Variants in LYPD5 observed in about 807,000 individuals in gnomAD.
LYPD5 encodes ly6/PLAUR domain-containing protein 5.
A neutral mutation model predicts 19.1 loss-of-function variants in LYPD5; 21 were observed. The observed-to-expected ratio is 1.10, with a 90% CI of 0.78 to 1.58. LYPD5 has a LOEUF of 1.58. Ranked by LOEUF, LYPD5 falls within the 40% of genes most tolerant of loss-of-function variation. LYPD5 has a pLI of 0.00. For synonymous variants in LYPD5, 128 were observed against 142.7 expected (o/e 0.90, Z 0.74); for missense variants, 287 against 329.8 (o/e 0.87, Z 1.00).
intron 1 of LYPD5, among the ~76,000 whole-genome samples, chr19:43,814,805 G>A (rs1258108797): frequency 6.6e-6 from 1 of 152,188 alleles, no homozygotes; most frequent in African/African-American, 2.4e-5. Flanking sequence ...GTGCCATCTA[G>A]ATCTCTTACA....
intron 1 of LYPD5, among the ~76,000 whole-genome samples, chr19:43,808,295 G>A (rs1027237086): frequency 2.6e-5 from 4 of 151,982 alleles, no homozygotes; most frequent in Non-Finnish European, 5.9e-5. Context: ...TAGTAGAGAC[G>A]GGGTTTCACC....
At chr19:43,799,879 T>C (rs1970200150) in intron 1 of LYPD5, 45 bp from the exon 2 acceptor site, 1 of 1,561,820 alleles carries the variant, frequency 6.4e-7, no homozygotes, top group African/African-American at 1.3e-5. Flanking sequence ...AGTGTGAGCC[T>C]GTCCCAGGAA....
rs557002427 is a variant in LYPD5 at position 43,796,074 on chromosome 19, C to A, written c.*1517G>T. The A allele has an allele frequency of 6.6e-6, 1 of 152,318 alleles. No homozygotes were observed. The highest frequency in any genetic ancestry group is 1.5e-5 in the Non-Finnish European group (1 of 68,046). The allele number at this position is 152,318 out of a possible 1,614,324, so 9.4% of individuals were successfully genotyped here. On this transcript the variant is annotated 3_prime_UTR_variant, in exon 5 of 5. Transcript: ENST00000377950. ...CTGTGTTCTCATGTGGTGGAAGGGG[C>A]AAGGCAGCTCTCCAGGGCCTCTTTT...
Position 43,797,142 on chromosome 19 carries a change from G to C in LYPD5, c.*449C>G, listed in dbSNP as rs554867023. 1.2e-3 allele frequency: 182 copies of C among 155,894 alleles called. No homozygotes were observed. Among genetic ancestry groups the C allele is most frequent in the Middle Eastern group, 6.3e-3 (2 of 318 alleles). 9.7% of individuals were successfully genotyped at this position (155,894 alleles called of 1,614,324 possible). A position where few individuals can be genotyped will look rare whatever the true frequency, so the allele number is the denominator to read the frequency against. On this transcript the variant is annotated 3_prime_UTR_variant, in exon 5 of 5. Coordinates refer to ENST00000377950, the MANE Select transcript of LYPD5 (RefSeq NM_001031749.3). ...AGGCTGAATGGTGGAGCTGGGATTT[G>C]AACCCATGCAGCTTAGCTCCAGAGC...
At chr19:43,807,709 A>G (rs1298037253) in intron 1 of LYPD5, among the ~76,000 whole-genome samples, 1 of 152,210 alleles carries the variant, frequency 6.6e-6, no homozygotes, top group Admixed American at 6.5e-5. Flanking sequence ...TAGCTGCATA[A>G]AGGAGGCAAA....
At chr19:43,810,541 CTCCCCTCCCCTCCCT>C (rs1740546544) in intron 1 of LYPD5, among the ~76,000 whole-genome samples, 1 of 105,600 alleles carries the variant, frequency 9.5e-6, no homozygotes, top group African/African-American at 3.6e-5. Flanking sequence ...GTTCCCTCCC[CTCCCCTCCCCTCCCT>C]TCCCCTCCCC....
intron 4 of LYPD5, 42 bp downstream of exon 4, chr19:43,798,413 C>T: frequency 6.3e-7 from 1 of 1,599,922 alleles, no homozygotes; most frequent in Non-Finnish European, 8.5e-7. Flanking sequence ...GCCCTGCCTC[C>T]ATATCCCTTG....
chr19:43,798,722 G>A (rs1035982907), intron 3 of LYPD5, 90 bp downstream of exon 3: 6 of 1,570,160 alleles, frequency 3.8e-6, no homozygotes, highest in South Asian at 1.2e-5. Context: ...AGCGCGCCAA[G>A]AGCAGGCGCC....
chr19:43,801,608 G>C (rs538941517), intron 1 of LYPD5, among the ~76,000 whole-genome samples: 2 of 152,122 alleles, frequency 1.3e-5, no homozygotes, highest in African/African-American at 2.4e-5. Context: ...AATTACACAC[G>C]CATCTCTTTT....
intron 1 of LYPD5, among the ~76,000 whole-genome samples, chr19:43,815,352 A>G (rs1014306029): frequency 1.3e-5 from 2 of 151,832 alleles, no homozygotes; most frequent in Non-Finnish European, 2.9e-5. Context: ...AAAAAAAAAG[A>G]AAGAAAGAAA....
chr19:43,805,179 CCT>C (rs1568405017), upstream of LYPD5, among the ~76,000 whole-genome samples: 2 of 152,120 alleles, frequency 1.3e-5, no homozygotes, highest in African/African-American at 2.4e-5. Context: ...AAACATCTGG[CCT>C]CTCAAAATTT....
intron 1 of LYPD5, among the ~76,000 whole-genome samples, chr19:43,812,366 TATCTATCTATCA>T (rs1168308099): frequency 4.9e-5 from 7 of 143,762 alleles, no homozygotes; most frequent in African/African-American, 1.8e-4. Context: ...TCTATCTATC[TATCTATCTATCA>T]ATCTATCATC....
In LYPD5 at chr19:43,798,999, G is replaced by A. The variant is rs1390840770; in HGVS notation, c.194-11C>T. On this transcript the variant is annotated splice_polypyrimidine_tract_variant and intron_variant, in intron 2 of 4. Coordinates refer to ENST00000377950, the MANE Select transcript of LYPD5 (RefSeq NM_001031749.3). ...CCGGCGCGCGATACCCTGGGGGCGGGATCGGGGCTCGTGCTCTGCTTCCCG... is the reference window on the plus strand; with the variant it reads ...CCGGCGCGCGATACCCTGGGGGCGGAATCGGGGCTCGTGCTCTGCTTCCCG... The A allele has an allele frequency of 1.3e-6, 2 of 1,556,344 alleles. No individual in the cohort carries two copies. Among genetic ancestry groups the A allele is most frequent in the Non-Finnish European group, 1.7e-6 (2 of 1,150,200 alleles).
intron 1 of LYPD5, among the ~76,000 whole-genome samples, chr19:43,819,654 T>C (rs1970403504): frequency 1.3e-5 from 2 of 152,142 alleles, no homozygotes; most frequent in Non-Finnish European, 2.9e-5. Flanking sequence ...GGGTCAGGGC[T>C]AAACCCCCAA....
chr19:43,799,975 G>GAGAGA, intron 1 of LYPD5, 141 bp from the exon 2 acceptor site: 1 of 955,632 alleles, frequency 1.0e-6, no homozygotes, highest in Non-Finnish European at 1.5e-6. Context: ...ACCAGGTGCT[G>GAGAGA]CTATTGCAGC....
chr19:43,815,325 T>G (rs150176277), intron 1 of LYPD5, among the ~76,000 whole-genome samples: 1,952 of 150,508 alleles, frequency 0.013, 39 homozygotes, highest in African/African-American at 0.045. Context: ...GGCAATATAG[T>G]GAGAACCTAT....
At chr19:43,799,536 C>A (rs569776692) in intron 2 of LYPD5, among the ~76,000 whole-genome samples, 170 bp downstream of exon 2, 25 of 152,264 alleles carry the variant, frequency 1.6e-4, no homozygotes, top group African/African-American at 5.3e-4. Flanking sequence ...AGCCACTGCC[C>A]CAGCCCTCAT....
chr19:43,799,019 T>C (rs1279828230), intron 2 of LYPD5, 31 bp from the exon 3 acceptor site: 1 of 1,532,390 alleles, frequency 6.5e-7, no homozygotes, highest in Admixed American at 2.0e-5. Flanking sequence ...CGTGCTCTGC[T>C]TCCCGAAACC....
At chr19:43,803,804 T>C (rs1376123041), upstream of LYPD5, among the ~76,000 whole-genome samples, 2 of 152,100 alleles carry the variant, frequency 1.3e-5, no homozygotes, top group Non-Finnish European at 2.9e-5. Context: ...GGGCCAAATA[T>C]AATTGCAAAT....
Sources: gnomAD v4.1 joint callset for allele counts (sites outside exome capture counted in the v4.1 genomes callset) on GRCh38, gnomAD v4.1.1 for gene constraint, MANE v1.5 for transcripts, NCBI Gene and HGNC (gene_info 2026-07-23, HGNC 2026-07-21) for gene names.